The following DRC5 variants were observed in gnomAD, a reference collection of about 807,000 sequenced individuals.
DRC5 encodes the protein T-complex-associated testis-expressed protein 1.
the DRC5 span, chr6:44,287,421 G>A: frequency 9.6e-7 from 1 of 1,045,292 alleles, no homozygotes; most frequent in Non-Finnish European, 1.4e-6. Flanking sequence ...GTGGGTATGA[G>A]GATGCCATAC....
chr6:44,286,222 G>T, the DRC5 span: 1 of 1,612,020 alleles, frequency 6.2e-7, no homozygotes. Context: ...CCGGCGGAAG[G>T]AACTGATCGA....
chr6:44,278,908 C>G, the DRC5 span: 1 of 151,832 alleles, frequency 6.6e-6, no homozygotes, highest in African/African-American at 2.4e-5. Flanking sequence ...CACACCTACA[C>G]GTTTGCACTC....
the DRC5 span, among the ~76,000 whole-genome samples, chr6:44,281,649 T>C: frequency 5.1e-3 from 773 of 152,326 alleles, 5 homozygotes; most frequent in African/African-American, 0.017. Flanking sequence ...CCTCCCAAAG[T>C]GCTGGGATTA....
At chr6:44,288,756 G>T in the DRC5 span, among the ~76,000 whole-genome samples, 1,012 of 152,196 alleles carry the variant, frequency 6.6e-3, 9 homozygotes, top group African/African-American at 0.023. Context: ...CACTTTGGGA[G>T]GCCAACGTGG....
the DRC5 span, chr6:44,286,576 G>A: frequency 9.1e-6 from 14 of 1,542,210 alleles, no homozygotes; most frequent in Non-Finnish European, 1.2e-5. Context: ...CAGTGTTGGG[G>A]GACACCTCAA....
the DRC5 span, among the ~76,000 whole-genome samples, chr6:44,293,744 C>T: frequency 1.3e-5 from 2 of 152,164 alleles, no homozygotes; most frequent in South Asian, 4.1e-4. Flanking sequence ...CCTCCCCGGG[C>T]TAAGTGCGCT....
chr6:44,285,896 A>C, the DRC5 span: 1 of 1,360,682 alleles, frequency 7.3e-7, no homozygotes, highest in Non-Finnish European at 1.0e-6. Context: ...TAGAGGAGGA[A>C]GAGGAGGGGA....
the DRC5 span, among the ~76,000 whole-genome samples, chr6:44,288,438 T>G: frequency 0.16 from 23,827 of 152,088 alleles, 2,175 homozygotes; most frequent in East Asian, 0.41. Flanking sequence ...GGGTTTAAAT[T>G]CAGTCTGTCA....
At chr6:44,292,668 T>C in the DRC5 span, among the ~76,000 whole-genome samples, 1 of 152,178 alleles carries the variant, frequency 6.6e-6, no homozygotes, top group Admixed American at 6.5e-5. Context: ...GGTGGCTATC[T>C]GATATAAGCC....
the DRC5 span, chr6:44,282,117 A>G: frequency 3.7e-6 from 6 of 1,610,524 alleles, no homozygotes; most frequent in Non-Finnish European, 5.1e-6. Context: ...CACCAGCCCG[A>G]TGTGGTTGCA....
At chr6:44,283,330 T>C in the DRC5 span, among the ~76,000 whole-genome samples, 1 of 150,058 alleles carries the variant, frequency 6.7e-6, no homozygotes, top group Non-Finnish European at 1.5e-5. Flanking sequence ...GAGGACCTCT[T>C]TGAAGGAGGT....
At chr6:44,291,654 T>C in the DRC5 span, among the ~76,000 whole-genome samples, 1 of 152,256 alleles carries the variant, frequency 6.6e-6, no homozygotes, top group Non-Finnish European at 1.5e-5. Context: ...GCCATGGTCG[T>C]CCACTCATTC....
the DRC5 span, chr6:44,279,287 T>TG: frequency 1.3e-5 from 2 of 152,424 alleles, no homozygotes; most frequent in East Asian, 3.8e-4. Flanking sequence ...CCATGTGTCC[T>TG]GGGGACAAGG....
chr6:44,291,060 C>A, the DRC5 span, among the ~76,000 whole-genome samples: 2 of 152,178 alleles, frequency 1.3e-5, no homozygotes, highest in Non-Finnish European at 2.9e-5. Flanking sequence ...GGGCCCTGAA[C>A]CAACTTCTCA....
the DRC5 span, chr6:44,279,913 G>A: frequency 1.1e-5 from 4 of 359,604 alleles, no homozygotes; most frequent in South Asian, 1.1e-4. Flanking sequence ...TGACTTCCCT[G>A]TTCCTGAAAG....
At chr6:44,288,532 G>C in the DRC5 span, among the ~76,000 whole-genome samples, 2 of 152,116 alleles carry the variant, frequency 1.3e-5, no homozygotes, top group South Asian at 4.1e-4. Context: ...ATAATAAAGA[G>C]CCATTCAGCT....
the DRC5 span, chr6:44,282,019 G>A: frequency 7.9e-7 from 1 of 1,270,436 alleles, no homozygotes; most frequent in Non-Finnish European, 1.1e-6. Flanking sequence ...TATGTAGTAT[G>A]TAAACTCTGT....
At chr6:44,287,508 C>G in the DRC5 span, 1 of 1,568,658 alleles carries the variant, frequency 6.4e-7, no homozygotes, top group East Asian at 2.3e-5. Context: ...TAGCCCCCCT[C>G]TTGGCCTTCT....
the DRC5 span, among the ~76,000 whole-genome samples, chr6:44,293,737 C>T: frequency 1.3e-5 from 2 of 152,178 alleles, no homozygotes; most frequent in Non-Finnish European, 1.5e-5. Context: ...GGGAGGGCCT[C>T]CCCGGGCTAA....
Sources: allele counts gnomAD v4.1 joint callset (sites outside exome capture counted in the v4.1 genomes callset), GRCh38; gene constraint gnomAD v4.1.1; transcripts MANE v1.5; gene names NCBI Gene and HGNC (gene_info 2026-07-23, HGNC 2026-07-21).